The following GLIS3 variants were observed in gnomAD, a reference collection of about 807,000 sequenced individuals.
The protein encoded by GLIS3 is GLIS family zinc finger 3, also known as zinc finger protein GLIS3.
Under a neutral mutation model 78.6 loss-of-function variants are expected in GLIS3, and 53 were observed. The ratio of observed to expected loss-of-function variants is 0.67; its 90% CI spans 0.54 to 0.85. The LOEUF (loss-of-function observed/expected upper bound fraction) is 0.85, where lower values mean the gene tolerates loss of function less well. GLIS3 is among the 40% of genes least tolerant of loss of function. The probability of loss-of-function intolerance (pLI) is 0.00; values close to 1 mark genes in which losing one functional copy is unlikely to be tolerated. For missense variants in GLIS3, 1,703 were observed against 1,231.1 expected (o/e 1.38, Z -5.74); for synonymous variants, 684 against 509.9 (o/e 1.34, Z -4.60).
At chr9:4,382,583 T>G in the GLIS3 span, among the ~76,000 whole-genome samples, 1 of 152,126 alleles carries the variant, frequency 6.6e-6, no homozygotes, top group Non-Finnish European at 1.5e-5. Flanking sequence ...TAGCAATCAG[T>G]TTTTCTCTTG....
intron 2 of GLIS3, among the ~76,000 whole-genome samples, chr9:4,132,886 G>C (rs1305521027): frequency 1.3e-5 from 2 of 152,164 alleles, no homozygotes; most frequent in African/African-American, 4.8e-5. Context: ...TGTGATATCA[G>C]GAAGGTCCTT....
the GLIS3 span, among the ~76,000 whole-genome samples, chr9:4,391,917 T>C: frequency 6.6e-6 from 1 of 152,218 alleles, no homozygotes; most frequent in Non-Finnish European, 1.5e-5. Flanking sequence ...CCCAAAGGAA[T>C]ATAAATCATT....
At chr9:4,013,430 T>C (rs1822194841) in intron 4 of GLIS3, among the ~76,000 whole-genome samples, 1 of 152,224 alleles carries the variant, frequency 6.6e-6, no homozygotes, top group South Asian at 2.1e-4. Context: ...TTTCTTATGA[T>C]ATAATCAATT....
chr9:4,409,444 C>G, the GLIS3 span, among the ~76,000 whole-genome samples: 4 of 152,096 alleles, frequency 2.6e-5, no homozygotes, highest in Non-Finnish European at 5.9e-5. Flanking sequence ...ACAATGATCT[C>G]CAAACATCAC....
intron 2 of GLIS3, chr9:4,151,012 T>A (rs528609792): frequency 2.0e-5 from 3 of 151,970 alleles, no homozygotes; most frequent in Non-Finnish European, 4.4e-5. Context: ...TCCTACACAA[T>A]GAGCATTGGG....
intron 4 of GLIS3, among the ~76,000 whole-genome samples, chr9:4,019,268 T>C (rs978694533): frequency 1.1e-4 from 16 of 152,160 alleles, no homozygotes; most frequent in African/African-American, 3.9e-4. Flanking sequence ...ACAATCATCC[T>C]CGAGGATCAT....
chr9:4,072,933 A>G (rs935194796), intron 4 of GLIS3, among the ~76,000 whole-genome samples: 1 of 151,912 alleles, frequency 6.6e-6, no homozygotes, highest in Non-Finnish European at 1.5e-5. Context: ...CAGTAAAACA[A>G]CTCTTAAATA....
chr9:4,465,275 CG>C, the GLIS3 span, among the ~76,000 whole-genome samples: 4 of 152,308 alleles, frequency 2.6e-5, no homozygotes, highest in South Asian at 8.3e-4. Flanking sequence ...AGGCCGGGCA[CG>C]GTGGCTTATG....
chr9:4,133,849 C>CAT (rs1428989695), intron 2 of GLIS3, among the ~76,000 whole-genome samples: 3 of 146,764 alleles, frequency 2.0e-5, no homozygotes, highest in Non-Finnish European at 4.5e-5. Context: ...CACACACACA[C>CAT]ACACACACAC....
chr9:4,189,145 C>T (rs6476816), intron 2 of GLIS3, among the ~76,000 whole-genome samples: 129,867 of 150,166 alleles, frequency 0.86, 56,714 homozygotes, highest in Non-Finnish European at 0.94. Flanking sequence ...GTGCTATAAA[C>T]TTCCCTCTAC....
At chr9:4,163,580 G>C (rs1384197312) in intron 2 of GLIS3, among the ~76,000 whole-genome samples, 1 of 152,224 alleles carries the variant, frequency 6.6e-6, no homozygotes, top group African/African-American at 2.4e-5. Flanking sequence ...AGGACAGCAT[G>C]GCAGTTTGGA....
intron 4 of GLIS3, among the ~76,000 whole-genome samples, chr9:4,088,074 C>T (rs1829194930): frequency 6.6e-6 from 1 of 152,200 alleles, no homozygotes. Context: ...GTGAGGATAG[C>T]CATGGCAGAT....
At chr9:3,945,166 A>G (rs540536288) in intron 4 of GLIS3, among the ~76,000 whole-genome samples, 1 of 152,334 alleles carries the variant, frequency 6.6e-6, no homozygotes, top group Non-Finnish European at 1.5e-5. Flanking sequence ...TACTCGAACC[A>G]TAGCAAAAGC....
At chr9:4,432,020 G>A in the GLIS3 span, among the ~76,000 whole-genome samples, 68 of 152,232 alleles carry the variant, frequency 4.5e-4, no homozygotes, top group African/African-American at 1.6e-3. Flanking sequence ...CAGGCAGCAG[G>A]ACCGATCTGG....
At chr9:4,226,768 C>T (rs1821804584) in intron 2 of GLIS3, among the ~76,000 whole-genome samples, 1 of 152,138 alleles carries the variant, frequency 6.6e-6, no homozygotes, top group African/African-American at 2.4e-5. Flanking sequence ...TAAGGAGTAA[C>T]AATATTTATC....
At chr9:3,951,827 G>C (rs1445616299) in intron 4 of GLIS3, among the ~76,000 whole-genome samples, 1 of 139,284 alleles carries the variant, frequency 7.2e-6, no homozygotes, top group Non-Finnish European at 1.5e-5. Context: ...GAGAGAAAGA[G>C]AGGAATAAGC....
chr9:4,317,455 G>A (rs937457573), intron 2 of GLIS3, among the ~76,000 whole-genome samples: 2 of 152,212 alleles, frequency 1.3e-5, no homozygotes, highest in African/African-American at 2.4e-5. Context: ...AAAGGCATTT[G>A]TAATTGGTAT....
At chr9:4,166,100 C>G (rs1835870836) in intron 2 of GLIS3, among the ~76,000 whole-genome samples, 1 of 152,196 alleles carries the variant, frequency 6.6e-6, no homozygotes. Context: ...TTCTCTGCAC[C>G]TCAATTACTC....
chr9:3,883,283 T>C (rs1821858478), intron 7 of GLIS3, among the ~76,000 whole-genome samples: 1 of 152,224 alleles, frequency 6.6e-6, no homozygotes, highest in Non-Finnish European at 1.5e-5. Context: ...GGAATATTCT[T>C]TTATGCATTC....
Sources: allele counts gnomAD v4.1 joint callset (sites outside exome capture counted in the v4.1 genomes callset), GRCh38; gene constraint gnomAD v4.1.1; transcripts MANE v1.5; gene names NCBI Gene and HGNC (gene_info 2026-07-23, HGNC 2026-07-21).